USP30: variants seen among roughly 807,000 people sequenced by gnomAD.
The protein encoded by USP30 is ubiquitin specific peptidase 30.
Under a neutral mutation model 68.2 loss-of-function variants are expected in USP30, and 41 were observed. The observed-to-expected ratio is 0.60, with a 90% CI of 0.47 to 0.78. USP30 has a LOEUF of 0.78. USP30 is among the 30% of genes least tolerant of loss of function. The pLI is 0.00. For synonymous variants in USP30, 229 were observed against 253.7 expected (o/e 0.90, Z 0.93); for missense variants, 522 against 649.4 (o/e 0.80, Z 2.13).
chr12:109,084,923 T>A, intron 11 of USP30, 30 bp from the exon 12 acceptor site: 1 of 1,526,094 alleles, frequency 6.6e-7, no homozygotes, highest in Middle Eastern at 1.9e-4. Flanking sequence ...ACTGCTAATT[T>A]TCATTGACTC....
upstream of USP30, chr12:109,052,450 G>A: frequency 5.0e-6 from 2 of 399,262 alleles, no homozygotes; most frequent in Non-Finnish European, 8.8e-6. Flanking sequence ...AACCGACGCC[G>A]GGGCCTGTTG....
At chr12:109,082,452 C>T in intron 9 of USP30, 1 of 586,804 alleles carries the variant, frequency 1.7e-6, no homozygotes, top group Non-Finnish European at 3.0e-6. Context: ...AGTGTTCGCT[C>T]TTCACATTCT....
At position 109,082,193 on chromosome 12, in the gene USP30, C is replaced by T. The variant is rs530873367; in HGVS notation, c.867+174C>T. Among the ~76,000 whole-genome samples the T allele has an allele frequency of 7.2e-5, 11 of 152,324 alleles. No individual in the cohort carries two copies. In the South Asian group the frequency reaches 2.1e-3, roughly 29 times the overall value. ...CAGCTCATGGACCAAATCTCTTTCC[C>T]AGATGAGTTTTGTTTCATGCACAGT... On this transcript the variant is annotated intron_variant, in intron 9 of 12. Transcript: ENST00000257548.
intron 7 of USP30, among the ~76,000 whole-genome samples, chr12:109,080,266 C>T (rs754057438): frequency 6.6e-6 from 1 of 152,178 alleles, no homozygotes; most frequent in Non-Finnish European, 1.5e-5. Context: ...TCTGACCACT[C>T]AATCCTGTAG....
At position 109,083,054 on chromosome 12, in the gene USP30, C is replaced by G. The variant is rs2041849676; in HGVS notation, c.1160C>G (p.Pro387Arg). 5 of 1,609,350 alleles carry G rather than the reference C, an allele frequency of 3.1e-6. No homozygotes were observed. In the South Asian group the frequency reaches 3.3e-5, roughly 11 times the overall value. ...TLELQDGPGA[P>R]TPVLNQPGAP... ...GAGCTGCAGGATGGGCCGGGAGCCC[C>G]CACACCAGGTGTGTGCGCGCGAGGA... Residue 387 changes from proline (P) to arginine (R), a missense_variant, in exon 11 of 13, where the codon CCC (proline) becomes CGC (arginine). By Grantham distance (103) the Pro-to-Arg change is moderately radical. Transcript: ENST00000257548.
intron 7 of USP30, among the ~76,000 whole-genome samples, chr12:109,079,339 C>CTTTTTTTTTTCTTTTTTTTTTTTTT (rs2041713719): frequency 1.1e-4 from 7 of 62,248 alleles, no homozygotes; most frequent in Admixed American, 2.3e-4. Context: ...TTTTCTTTTT[C>CTTTTTTTTTTCTTTTTTTTTTTTTT]TTTTTTTTTT....
upstream of USP30, among the ~76,000 whole-genome samples, chr12:109,047,978 C>A (rs190736565): frequency 2.6e-5 from 4 of 152,166 alleles, no homozygotes; most frequent in Admixed American, 6.5e-5. Context: ...TAATACTAAG[C>A]CCTTCCCATT....
intron 1 of USP30, among the ~76,000 whole-genome samples, chr12:109,055,369 CATATATATACATAT>C (rs1329701849): frequency 1.5e-5 from 1 of 68,792 alleles, no homozygotes; most frequent in Non-Finnish European, 2.7e-5. Context: ...TACACACACA[CATATATATACATAT>C]ATATATATAT....
In USP30 at chr12:109,084,944, C is replaced by T. The variant is rs753957236; in HGVS notation, c.1169-9C>T. The T allele has an allele frequency of 6.4e-7, 1 of 1,567,250 alleles. No individual in the cohort carries two copies. Among genetic ancestry groups the T allele is most frequent in the Non-Finnish European group, 8.7e-7 (1 of 1,154,574 alleles). Reference sequence around the variant, plus strand: ...AATTTTCATTGACTCGGGCCTTTTTCTCTTGCAGTTCTGAATCAGCCAGGG... The same window carrying T: ...AATTTTCATTGACTCGGGCCTTTTTTTCTTGCAGTTCTGAATCAGCCAGGG... On this transcript the variant is annotated splice_polypyrimidine_tract_variant and intron_variant, in intron 11 of 12. Transcript: ENST00000257548.
chr12:109,055,841 A>G (rs2040857760), intron 1 of USP30, among the ~76,000 whole-genome samples: 2 of 151,866 alleles, frequency 1.3e-5, no homozygotes, highest in Non-Finnish European at 2.9e-5. Flanking sequence ...AAAAGAAAAA[A>G]AACATAGCGA....
At chr12:109,078,612 AG>A (rs1316844121) in intron 7 of USP30, among the ~76,000 whole-genome samples, 76 of 152,006 alleles carry the variant, frequency 5.0e-4, no homozygotes, top group African/African-American at 1.6e-3. Context: ...AAAAAAAAAA[AG>A]AGTTGCCTTC....
At chr12:109,083,319 A>G (rs1048309888) in intron 11 of USP30, among the ~76,000 whole-genome samples, 3 of 152,200 alleles carry the variant, frequency 2.0e-5, no homozygotes, top group Admixed American at 1.3e-4. Flanking sequence ...TTAAAATTGC[A>G]GCTTTGCCTT....
rs748813898 is a variant in USP30 at position 109,056,692 on chromosome 12, A to G, written c.94A>G (p.Met32Val). The G allele has an allele frequency of 2.1e-5, 33 of 1,607,940 alleles. No individual in the cohort carries two copies. The highest frequency in any genetic ancestry group is 2.2e-5 in the East Asian group (1 of 44,822). ...RTGAAVRYKV[M>V]KNWGVIGGIA... ...TGTTTTCTTTTTTAGATATAAAGTC[A>G]TGAAGAACTGGGGAGTTATAGGTGG... The change falls in exon 2 of 13, where the codon ATG (methionine) becomes GTG (valine). Residue 32 changes from methionine (M) to valine (V), a missense_variant. Coordinates refer to ENST00000257548, the MANE Select transcript of USP30 (RefSeq NM_032663.5).
At chr12:109,049,718 G>A (rs2040641626), upstream of USP30, among the ~76,000 whole-genome samples, 1 of 152,110 alleles carries the variant, frequency 6.6e-6, no homozygotes, top group African/African-American at 2.4e-5. Context: ...GGGTGGCTGA[G>A]GCACGAAAAT....
intron 3 of USP30, among the ~76,000 whole-genome samples, chr12:109,038,871 A>C (rs1053118536): frequency 1.3e-5 from 2 of 152,138 alleles, no homozygotes; most frequent in Non-Finnish European, 2.9e-5. Flanking sequence ...AGTGATGTTG[A>C]CCATCTTTTC....
intron 1 of USP30, among the ~76,000 whole-genome samples, chr12:109,024,316 G>A (rs1410276234): frequency 2.0e-5 from 3 of 151,980 alleles, no homozygotes; most frequent in Non-Finnish European, 4.4e-5. Context: ...GGAGTGTGGT[G>A]GTGTGATCTC....
At chr12:109,035,585 ATC>A (rs1162513727) in intron 3 of USP30, among the ~76,000 whole-genome samples, 2 of 152,006 alleles carry the variant, frequency 1.3e-5, no homozygotes, top group African/African-American at 4.8e-5. Context: ...GATGGTCTTG[ATC>A]TCTTGGCCTA....
At chr12:109,041,022 T>G (rs1016929246) in intron 3 of USP30, among the ~76,000 whole-genome samples, 2 of 152,100 alleles carry the variant, frequency 1.3e-5, no homozygotes, top group Admixed American at 1.3e-4. Flanking sequence ...GGAAATGGGG[T>G]GTCTGGTTCC....
chr12:109,058,218 GATC>G, intron 3 of USP30, 110 bp downstream of exon 3: 1 of 1,179,854 alleles, frequency 8.5e-7, no homozygotes, highest in East Asian at 2.4e-5. Flanking sequence ...AGATCATACA[GATC>G]ATTATGAATA....
Sources: allele counts gnomAD v4.1 joint callset (sites outside exome capture counted in the v4.1 genomes callset), GRCh38; gene constraint gnomAD v4.1.1; transcripts MANE v1.5; gene names NCBI Gene and HGNC (gene_info 2026-07-23, HGNC 2026-07-21).